Variants in PON2 observed in about 807,000 individuals in gnomAD.
The protein encoded by PON2 is paraoxonase 2, also known as serum paraoxonase/arylesterase 2.
A neutral mutation model predicts 36.6 loss-of-function variants in PON2; 27 were observed. That is an observed-to-expected ratio of 0.74 (90% CI 0.54 to 1.02). The LOEUF is 1.02. Ranked by LOEUF, PON2 falls within the 50% of genes least tolerant of loss-of-function variation. PON2 has a pLI of 0.00. For synonymous variants in PON2, 149 were observed against 156.3 expected (o/e 0.95, Z 0.35); for missense variants, 363 against 421.1 (o/e 0.86, Z 1.21).
At chr7:95,433,998 A>C (rs564722397) in intron 1 of PON2, among the ~76,000 whole-genome samples, 1 of 152,350 alleles carries the variant, frequency 6.6e-6, no homozygotes, top group Admixed American at 6.5e-5. Context: ...TAGAAGCCTA[A>C]GAGAGAACAT....
chr7:95,416,196 C>T, intron 3 of PON2, 46 bp downstream of exon 3: 5 of 1,611,122 alleles, frequency 3.1e-6, no homozygotes, highest in Non-Finnish European at 3.4e-6. Flanking sequence ...CATCAAATAC[C>T]CTTGTATCTC....
intron 6 of PON2, among the ~76,000 whole-genome samples, chr7:95,408,177 G>A (rs1809755315): frequency 6.6e-6 from 1 of 152,242 alleles, no homozygotes; most frequent in Admixed American, 6.5e-5. Flanking sequence ...GCCTGGCACT[G>A]TACTGGCATA....
At chr7:95,415,493 G>A (rs1357899131) in intron 3 of PON2, among the ~76,000 whole-genome samples, 1 of 152,048 alleles carries the variant, frequency 6.6e-6, no homozygotes, top group Non-Finnish European at 1.5e-5. Flanking sequence ...AAAGCAAAAG[G>A]GCAAGGTTGG....
At chr7:95,430,896 G>A (rs1243713972) in intron 1 of PON2, among the ~76,000 whole-genome samples, 2 of 77,868 alleles carry the variant, frequency 2.6e-5, no homozygotes, top group Non-Finnish European at 5.0e-5. Flanking sequence ...AAGGATGGTG[G>A]TTTAAAAAAA....
Position 95,434,947 on chromosome 7 carries a change from C to A in PON2, c.5G>T (p.Gly2Val), listed in dbSNP as rs766268406. The change falls in exon 1 of 9, where the codon GGG (glycine) becomes GTG (valine). Residue 2 changes from glycine to valine, a missense_variant. Physicochemically the swap from Gly to Val is moderately radical, Grantham distance 109 (BLOSUM62 -3). Transcript: ENST00000222572. ...CAGCAAGCCCACAGCCACCAGCCGC[C>A]CCATGGCGCGGGAGCCGGGCGCGCT... M[G>V]RLVAVGLLGI... 1 of 1,528,140 alleles carries A rather than the reference C, an allele frequency of 6.5e-7. No individual in the cohort carries two copies. The highest frequency in any genetic ancestry group is 1.2e-5 in the South Asian group (1 of 82,300). 94.7% of individuals were successfully genotyped at this position (1,528,140 alleles called of 1,614,324 possible).
intron 1 of PON2, among the ~76,000 whole-genome samples, chr7:95,427,733 A>G (rs1789348177): frequency 6.6e-6 from 1 of 152,170 alleles, no homozygotes; most frequent in African/African-American, 2.4e-5. Context: ...TCCCTCTTTG[A>G]ATGAACTACT....
chr7:95,405,240 G>A lies in PON2; in HGVS notation c.*90C>T. 7.3e-7 allele frequency: 1 copy of A among 1,365,094 alleles called. No homozygotes were observed. Among genetic ancestry groups the A allele is most frequent in the Non-Finnish European group, 1.0e-6 (1 of 969,130 alleles). 84.6% of individuals were successfully genotyped at this position (1,365,094 alleles called of 1,614,324 possible). The stretch of plus-strand genomic sequence containing the variant: ...TAACTACACATGCCATACATTTCTG[G>A]GTCAATGTTGCTGGTTAAATTCCCT... On this transcript the variant is annotated 3_prime_UTR_variant, in exon 9 of 9. Coordinates refer to ENST00000222572, the MANE Select transcript of PON2 (RefSeq NM_000305.3).
At chr7:95,415,384 T>C (rs777513256) in intron 3 of PON2, 2 of 152,202 alleles carry the variant, frequency 1.3e-5, no homozygotes, top group Non-Finnish European at 2.9e-5. Context: ...CCAGAAAGGA[T>C]ATTGTTTTTC....
In PON2 at chr7:95,416,505, T is replaced by A. The variant is rs566156720; in HGVS notation, c.146-208A>T. 2,322 of 603,158 alleles carry A rather than the reference T, an allele frequency of 3.8e-3. 12 individuals are homozygous for A. Among genetic ancestry groups the A allele is most frequent in the Non-Finnish European group, 4.8e-3 (1,639 of 344,818 alleles). The allele number at this position is 603,158 out of a possible 1,614,324, so 37.4% of individuals were successfully genotyped here. A position where few individuals can be genotyped will look rare whatever the true frequency, so the allele number is the denominator to read the frequency against. On this transcript the variant is annotated intron_variant, in intron 2 of 8. Coordinates refer to ENST00000222572, the MANE Select transcript of PON2 (RefSeq NM_000305.3). Reference sequence around the variant, plus strand: ...CTGACTTTAAATGTTAGATATTTTATGTTTACTCAAATCAAAGTCAAGTTA... The same window carrying A: ...CTGACTTTAAATGTTAGATATTTTAAGTTTACTCAAATCAAAGTCAAGTTA...
At chr7:95,423,204 C>T (rs1789233750) in intron 2 of PON2, among the ~76,000 whole-genome samples, 1 of 151,408 alleles carries the variant, frequency 6.6e-6, no homozygotes, top group South Asian at 2.1e-4. Context: ...TGCCTGTAGT[C>T]TCAGCTACCT....
chr7:95,422,482 T>G (rs1183812271), intron 2 of PON2, among the ~76,000 whole-genome samples: 1 of 152,192 alleles, frequency 6.6e-6, no homozygotes, highest in East Asian at 1.9e-4. Context: ...AAAAATACTG[T>G]GCAGTTGTGA....
chr7:95,412,151 G>A (rs575261993), intron 4 of PON2, among the ~76,000 whole-genome samples, 161 bp downstream of exon 4: 88 of 152,346 alleles, frequency 5.8e-4, no homozygotes, highest in Non-Finnish European at 9.6e-4. Context: ...CTTACTGCCA[G>A]CTGAAGAGGC....
Position 95,434,904 on chromosome 7 carries a change from G to T in PON2, c.48C>A (p.Leu16=). Residue 16 remains leucine (L), a synonymous_variant, in exon 1 of 9, where the codon CTC becomes CTA. Coordinates refer to ENST00000222572, the MANE Select transcript of PON2 (RefSeq NM_000305.3). ...TGAGTGCCAGAAGCCTCTCGCCCAG[G>T]AGCGCCAGCGCGATCCCCAGCAAGC... is the stretch of plus-strand genomic sequence containing the variant. ...AVGLLGIALA[L]LGERLLALRN... 6.5e-7 allele frequency: 1 copy of T among 1,539,858 alleles called. No homozygotes were observed.
At chr7:95,423,223 G>A (rs1789234351) in intron 2 of PON2, among the ~76,000 whole-genome samples, 1 of 150,898 alleles carries the variant, frequency 6.6e-6, no homozygotes, top group African/African-American at 2.4e-5. Context: ...CTGGGAGGAC[G>A]AGGCGGGAGG....
At chr7:95,434,582 A>T (rs983728662) in intron 1 of PON2, among the ~76,000 whole-genome samples, 5 of 152,254 alleles carry the variant, frequency 3.3e-5, no homozygotes, top group Admixed American at 2.0e-4. Context: ...GTAATTGCAA[A>T]GCATTCTCTT....
chr7:95,412,064 G>A (rs564960789), intron 4 of PON2, among the ~76,000 whole-genome samples: 2 of 152,224 alleles, frequency 1.3e-5, no homozygotes, highest in East Asian at 1.9e-4. Flanking sequence ...TGTGATGATC[G>A]TAGGTATATG....
intron 7 of PON2, 154 bp from the exon 8 acceptor site, chr7:95,406,401 A>C (rs1809695500): frequency 2.4e-6 from 2 of 827,904 alleles, no homozygotes; most frequent in Admixed American, 4.8e-5. Context: ...AATGTATTAA[A>C]AACTGGTTTG....
rs68185807 is a variant in PON2 at position 95,417,716 on chromosome 7, C to G, written c.146-1419G>C. Among the ~76,000 whole-genome samples, 48 of 148,794 alleles carry G rather than the reference C, an allele frequency of 3.2e-4. 1 individual carries two copies. The highest frequency in any genetic ancestry group is 7.2e-4 in the African/African-American group (29 of 40,506). On this transcript the variant is annotated intron_variant, in intron 2 of 8. Transcript: ENST00000222572. ...ACACACACACACACACACACACACA[C>G]ACACACACACCGAGAGAGAATTCTA...
At position 95,435,004 on chromosome 7, in the gene PON2, G is replaced by A. The variant is rs1246263142; in HGVS notation, c.-53C>T. 10 of 1,481,540 alleles carry A rather than the reference G, an allele frequency of 6.7e-6. No homozygotes were observed. Among genetic ancestry groups the A allele is most frequent in the African/African-American group, 5.9e-5 (4 of 68,260 alleles). 91.8% of individuals were successfully genotyped at this position (1,481,540 alleles called of 1,614,324 possible). A position where few individuals can be genotyped will look rare whatever the true frequency, so the allele number is the denominator to read the frequency against. On this transcript the variant is annotated 5_prime_UTR_variant, in exon 1 of 9. Transcript: ENST00000222572. ...CTCCGGCCTGGCCAGCAGCTCCGTG[G>A]GCGGTGCCATCTTCCCGGCTCGATG...
Sources: allele counts gnomAD v4.1 joint callset (sites outside exome capture counted in the v4.1 genomes callset), GRCh38; gene constraint gnomAD v4.1.1; transcripts MANE v1.5; gene names NCBI Gene and HGNC (gene_info 2026-07-23, HGNC 2026-07-21).